The following CACNA2D3 variants were observed in gnomAD, a reference collection of about 807,000 sequenced individuals.
CACNA2D3 encodes the protein calcium voltage-gated channel auxiliary subunit alpha2delta 3, also known as voltage-dependent calcium channel subunit alpha-2/delta-3.
A neutral mutation model predicts 160.6 loss-of-function variants in CACNA2D3; 60 were observed. That is an observed-to-expected ratio of 0.37 (90% confidence interval 0.30 to 0.46). The LOEUF is 0.46. Among genes scored for constraint, CACNA2D3 ranks in the 20% least tolerant of loss-of-function variants. CACNA2D3 has a pLI of 1.00. For missense variants in CACNA2D3, 1,205 were observed against 1,365.0 expected (o/e 0.88, Z 1.85); for synonymous variants, 558 against 492.9 (o/e 1.13, Z -1.75).
At chr3:55,072,222 T>C (rs769588817) in intron 35 of CACNA2D3, among the ~76,000 whole-genome samples, 3 of 152,218 alleles carry the variant, frequency 2.0e-5, no homozygotes, top group Non-Finnish European at 4.4e-5. Context: ...GAAACATCTT[T>C]GCACAGTGGC....
intron 2 of CACNA2D3, among the ~76,000 whole-genome samples, chr3:54,131,869 C>T (rs111437760): frequency 1.3e-5 from 2 of 152,026 alleles, no homozygotes; most frequent in South Asian, 2.1e-4. Context: ...CTATAATTTG[C>T]GAAGCAAGGT....
intron 4 of CACNA2D3, among the ~76,000 whole-genome samples, chr3:54,388,517 A>G (rs1335094511): frequency 6.6e-6 from 1 of 152,250 alleles, no homozygotes; most frequent in Non-Finnish European, 1.5e-5. Flanking sequence ...ATAGCTAAGC[A>G]TAAGAGGGGA....
chr3:54,506,794 T>G (rs1199983832), intron 5 of CACNA2D3, among the ~76,000 whole-genome samples: 1 of 152,172 alleles, frequency 6.6e-6, no homozygotes, highest in African/African-American at 2.4e-5. Context: ...TTCGGAGACT[T>G]TGAAGATGAA....
rs373085382 is a variant in CACNA2D3, at chr3:54,165,600, TAA to T, written c.204+42024_204+42025del. On this transcript the variant is annotated intron_variant, in intron 2 of 37. Transcript: ENST00000474759. ...CCTTTGGGAAGCCCAGTTCCATCTC[TAA>T]AAAAAAAAAAAAAAAAAGAAAAATT... Among the ~76,000 whole-genome samples the T allele has an allele frequency of 2.8e-3, 260 of 93,418 alleles. 1 individual carries two copies. Among genetic ancestry groups the T allele is most frequent in the African/African-American group, 9.2e-3 (230 of 25,052 alleles). The allele number at this position is 93,418 out of a possible 152,430, so 61.3% of individuals were successfully genotyped here.
At chr3:54,477,490 C>G (rs1414993172) in intron 4 of CACNA2D3, among the ~76,000 whole-genome samples, 3 of 152,134 alleles carry the variant, frequency 2.0e-5, no homozygotes, top group African/African-American at 7.2e-5. Flanking sequence ...GCCCCAGCAC[C>G]CACTCATTGA....
At chr3:54,864,021 T>C (rs1384243913) in intron 17 of CACNA2D3, among the ~76,000 whole-genome samples, 1 of 152,138 alleles carries the variant, frequency 6.6e-6, no homozygotes, top group Non-Finnish European at 1.5e-5. Flanking sequence ...CTCATTGGCA[T>C]TTTTCTCTTG....
intron 2 of CACNA2D3, among the ~76,000 whole-genome samples, chr3:54,276,364 T>G (rs1163447987): frequency 1.3e-5 from 2 of 149,868 alleles, no homozygotes; most frequent in African/African-American, 2.5e-5. Context: ...AAACCAGGAG[T>G]TCAAGACCAG....
chr3:54,183,842 G>T (rs1328605927), intron 2 of CACNA2D3, among the ~76,000 whole-genome samples: 1 of 132,464 alleles, frequency 7.5e-6, no homozygotes, highest in Non-Finnish European at 1.5e-5. Flanking sequence ...CTGAGATTGC[G>T]CCACTGCACT....
At chr3:54,739,751 A>ATGTG (rs5849058) in intron 11 of CACNA2D3, among the ~76,000 whole-genome samples, 3,707 of 145,868 alleles carry the variant, frequency 0.025, 150 homozygotes, top group African/African-American at 0.091. Context: ...CTCCTCATAT[A>ATGTG]TGTGTGTGTG....
At chr3:54,697,377 C>G (rs1271352126) in intron 11 of CACNA2D3, among the ~76,000 whole-genome samples, 1 of 152,266 alleles carries the variant, frequency 6.6e-6, no homozygotes, top group Admixed American at 6.5e-5. Context: ...AACAAGCACC[C>G]AAGGTGACTC....
intron 5 of CACNA2D3, among the ~76,000 whole-genome samples, chr3:54,513,734 G>T (rs1445683980): frequency 6.6e-6 from 1 of 152,164 alleles, no homozygotes; most frequent in African/African-American, 2.4e-5. Flanking sequence ...AGGCTGGAGT[G>T]CAGTGGTGCG....
chr3:54,794,808 T>C (rs1702835125), intron 13 of CACNA2D3, among the ~76,000 whole-genome samples: 1 of 152,118 alleles, frequency 6.6e-6, no homozygotes, highest in Admixed American at 6.5e-5. Context: ...GTGCCTTTAT[T>C]TTATTAGCTG....
chr3:54,838,996 G>A (rs1698755409), intron 16 of CACNA2D3, among the ~76,000 whole-genome samples: 1 of 152,154 alleles, frequency 6.6e-6, no homozygotes, highest in Admixed American at 6.5e-5. Context: ...GGAGACTCAC[G>A]CCTGTAATCC....
intron 11 of CACNA2D3, among the ~76,000 whole-genome samples, chr3:54,685,099 A>C (rs192873993): frequency 1.1e-4 from 16 of 152,288 alleles, no homozygotes; most frequent in Admixed American, 2.6e-4. Context: ...AGAGAACAAA[A>C]GCCTGTGGGG....
At chr3:54,391,183 T>C (rs537695984) in intron 4 of CACNA2D3, among the ~76,000 whole-genome samples, 33 of 152,340 alleles carry the variant, frequency 2.2e-4, no homozygotes, top group African/African-American at 7.2e-4. Flanking sequence ...AATTTGCTTT[T>C]CGTTGGTAAA....
At chr3:54,903,173 AT>A (rs1700378030) in intron 27 of CACNA2D3, among the ~76,000 whole-genome samples, 1 of 152,084 alleles carries the variant, frequency 6.6e-6, no homozygotes, top group South Asian at 2.1e-4. Context: ...CCTGGTACCC[AT>A]TAGTTATTTT....
rs6778875 is a variant in CACNA2D3 at position 54,715,105 on chromosome 3, C to T, written c.1168-37494C>T. ...TCAAGACTGCCCCTACTTCAGAGGA[C>T]AGTTGCAAGTAGTAGATTGTCACCT... On this transcript the variant is annotated intron_variant, in intron 11 of 37. Coordinates refer to ENST00000474759, the MANE Select transcript of CACNA2D3 (RefSeq NM_018398.3). Among the ~76,000 whole-genome samples the T allele has an allele frequency of 4.5e-3, 684 of 152,282 alleles. 6 individuals carry two copies. Among genetic ancestry groups the T allele is most frequent in the African/African-American group, 0.015 (632 of 41,550 alleles).
intron 11 of CACNA2D3, among the ~76,000 whole-genome samples, chr3:54,685,481 A>G (rs1421754456): frequency 6.6e-6 from 1 of 152,194 alleles, no homozygotes; most frequent in Admixed American, 6.5e-5. Flanking sequence ...CCTGGAGTGA[A>G]TCAGTCAGTC....
At chr3:54,646,230 CCTTCCTTCCTTCCTTCCT>C (rs1262406955) in intron 11 of CACNA2D3, among the ~76,000 whole-genome samples, 156 of 116,314 alleles carry the variant, frequency 1.3e-3, no homozygotes, top group African/African-American at 4.8e-3. Context: ...TTCCTTCCTT[CCTTCCTTCCTTCCTTCCT>C]CTCTCTCTCT....
Sources: allele counts gnomAD v4.1 joint callset (sites outside exome capture counted in the v4.1 genomes callset), GRCh38; gene constraint gnomAD v4.1.1; transcripts MANE v1.5; gene names NCBI Gene and HGNC (gene_info 2026-07-23, HGNC 2026-07-21).